The following ZNF618 variants were observed in gnomAD, a reference collection of about 807,000 sequenced individuals.
The protein encoded by ZNF618 is neural precursor cell expressed, developmentally down-regulated 10.
ZNF618 carries 34 observed loss-of-function variants against 103.0 expected under a neutral mutation model. The ratio of observed to expected loss-of-function variants is 0.33; its 90% CI spans 0.25 to 0.44. The LOEUF is 0.44. Among genes scored for constraint, ZNF618 ranks in the 20% least tolerant of loss-of-function variants. The pLI, the probability that ZNF618 is intolerant of heterozygous loss-of-function variation, is 1.00. For missense variants in ZNF618, 1,059 were observed against 1,295.4 expected, an observed-to-expected ratio of 0.82 and a Z score of 2.80; for synonymous variants, 551 against 542.2, an observed-to-expected ratio of 1.02 and a Z score of -0.23.
At chr9:113,959,244 GC>G (rs1278084677) in intron 1 of ZNF618, among the ~76,000 whole-genome samples, 1 of 151,768 alleles carries the variant, frequency 6.6e-6, no homozygotes, top group African/African-American at 2.4e-5. Context: ...CCGAGATTGC[GC>G]CATTGCACTC....
At chr9:113,885,822 A>C (rs1473580428) in intron 1 of ZNF618, among the ~76,000 whole-genome samples, 1 of 152,206 alleles carries the variant, frequency 6.6e-6, no homozygotes, top group Non-Finnish European at 1.5e-5. Context: ...TAAAAAGGAA[A>C]GGAGGAAGGC....
chr9:113,917,750 C>T (rs557080563), intron 1 of ZNF618, among the ~76,000 whole-genome samples: 1 of 152,282 alleles, frequency 6.6e-6, no homozygotes, highest in East Asian at 1.9e-4. Flanking sequence ...GGGCTTAACA[C>T]ATTTTTTAAA....
At chr9:113,931,428 C>T (rs1252590944) in intron 1 of ZNF618, among the ~76,000 whole-genome samples, 1 of 152,072 alleles carries the variant, frequency 6.6e-6, no homozygotes, top group African/African-American at 2.4e-5. Flanking sequence ...GTGGAGGGCA[C>T]AGAGATTTGA....
At chr9:114,041,246 A>G (rs1292451677) in intron 13 of ZNF618, among the ~76,000 whole-genome samples, 1 of 152,180 alleles carries the variant, frequency 6.6e-6, no homozygotes, top group Non-Finnish European at 1.5e-5. Flanking sequence ...TCAGATGAGT[A>G]GATTGCAAAA....
rs1846140832 is a variant in ZNF618 at position 114,051,633 on chromosome 9, A to T, written c.*1466A>T. On this transcript the variant is annotated 3_prime_UTR_variant, in exon 15 of 15. Transcript: ENST00000374126. The stretch of plus-strand genomic sequence containing the variant: ...CCCACAGCCCTCGGGGTCCTCACTC[A>T]CACCTCCGACTTCCAGGACGGCAGT... 1 of 151,886 alleles carries T rather than the reference A, an allele frequency of 6.6e-6. No homozygotes were observed. Among genetic ancestry groups the T allele is most frequent in the Non-Finnish European group, 1.5e-5 (1 of 68,014 alleles). The allele number at this position is 151,886 out of a possible 1,614,324, so 9.4% of individuals were successfully genotyped here.
At chr9:113,951,474 T>TAC (rs1835671179) in intron 1 of ZNF618, among the ~76,000 whole-genome samples, 1 of 42,842 alleles carries the variant, frequency 2.3e-5, no homozygotes, top group Non-Finnish European at 6.5e-5. Context: ...TATGTGTGTA[T>TAC]GTGTACACAT....
chr9:114,017,602 T>G (rs1351304000), intron 10 of ZNF618, among the ~76,000 whole-genome samples: 1 of 152,160 alleles, frequency 6.6e-6, no homozygotes. Context: ...GCTTGTGCAG[T>G]CTCAGGGCAG....
intron 1 of ZNF618, among the ~76,000 whole-genome samples, chr9:113,931,404 C>G (rs1185721396): frequency 3.3e-5 from 5 of 152,136 alleles, no homozygotes; most frequent in Admixed American, 6.5e-5. Flanking sequence ...GTGCCCCAGG[C>G]TCAAAGTCAG....
intron 1 of ZNF618, among the ~76,000 whole-genome samples, chr9:113,889,311 G>T (rs991640792): frequency 8.3e-6 from 1 of 120,646 alleles, no homozygotes; most frequent in Non-Finnish European, 1.8e-5. Flanking sequence ...CTGTCTCCCC[G>T]CTACCATCTC....
In ZNF618 at chr9:114,008,223, C is replaced by T; in HGVS notation, c.641-121C>T. On this transcript the variant is annotated intron_variant, in intron 7 of 14. Coordinates refer to ENST00000374126, the MANE Select transcript of ZNF618 (RefSeq NM_001318042.2). ...GTGGCCACGGCAGCCCTCCTGGGCCCCAAGGCAAACCCATGGGGATAGGGG... is the reference window on the plus strand; with the variant it reads ...GTGGCCACGGCAGCCCTCCTGGGCCTCAAGGCAAACCCATGGGGATAGGGG... 2.1e-6 allele frequency: 3 copies of T among 1,423,270 alleles called. No individual in the cohort carries two copies. The South Asian group carries it at 4.1e-5, about 20-fold the overall frequency. 88.2% of individuals were successfully genotyped at this position (1,423,270 alleles called of 1,614,324 possible). A position where few individuals can be genotyped will look rare whatever the true frequency, so the allele number is the denominator to read the frequency against.
intron 6 of ZNF618, among the ~76,000 whole-genome samples, chr9:114,003,967 G>A (rs1289286536): frequency 6.6e-6 from 1 of 152,174 alleles, no homozygotes; most frequent in Non-Finnish European, 1.5e-5. Flanking sequence ...AAAACAGATG[G>A]TGGGCAGGAT....
At chr9:113,963,760 C>G (rs1837086110) in intron 1 of ZNF618, among the ~76,000 whole-genome samples, 1 of 152,212 alleles carries the variant, frequency 6.6e-6, no homozygotes, top group African/African-American at 2.4e-5. Context: ...TTAACAGATT[C>G]AACTATATTT....
intron 1 of ZNF618, among the ~76,000 whole-genome samples, chr9:113,926,672 G>A (rs948580145): frequency 1.3e-5 from 2 of 152,020 alleles, no homozygotes; most frequent in Non-Finnish European, 1.5e-5. Flanking sequence ...GTTCTTGCAT[G>A]TTGTCCACCT....
At chr9:113,884,091 G>C (rs1007671785) in intron 1 of ZNF618, among the ~76,000 whole-genome samples, 1 of 148,082 alleles carries the variant, frequency 6.8e-6, no homozygotes, top group Non-Finnish European at 1.5e-5. Context: ...TCTGTGTGTA[G>C]GTTTTGTAAT....
chr9:113,902,017 ACT>A lies in ZNF618; in HGVS notation c.33+25609_33+25610del. Among the ~76,000 whole-genome samples the A allele has an allele frequency of 2.0e-5, 3 of 151,720 alleles. 1 individual carries two copies. The highest frequency in any genetic ancestry group is 7.3e-5 in the African/African-American group (3 of 41,300). On this transcript the variant is annotated intron_variant, in intron 1 of 14. Transcript: ENST00000374126. ...AGGGGTCCAATGCAGTGCAATACAGACTCTCTTTCTGACTTTCTGTGATTCTG... is the reference window on the plus strand; with the variant it reads ...AGGGGTCCAATGCAGTGCAATACAGACTCTTTCTGACTTTCTGTGATTCTG...
intron 1 of ZNF618, among the ~76,000 whole-genome samples, chr9:113,900,693 C>G (rs576577405): frequency 6.8e-6 from 1 of 147,268 alleles, no homozygotes; most frequent in Non-Finnish European, 1.5e-5. Context: ...GACCTGCTGT[C>G]TCCTAGCACC....
At chr9:113,882,420 C>A (rs1815663423) in intron 1 of ZNF618, among the ~76,000 whole-genome samples, 1 of 152,170 alleles carries the variant, frequency 6.6e-6, no homozygotes, top group African/African-American at 2.4e-5. Context: ...AGACTCTCAG[C>A]CGGTCTGAGG....
chr9:113,908,665 C>T (rs930140397), intron 1 of ZNF618, among the ~76,000 whole-genome samples: 1 of 152,002 alleles, frequency 6.6e-6, no homozygotes, highest in African/African-American at 2.4e-5. Flanking sequence ...CTGGTTGGCC[C>T]CTCAGGCAGC....
In ZNF618 at chr9:114,036,382, G is replaced by C; in HGVS notation, c.1246+5G>C. The C allele has an allele frequency of 6.4e-7, 1 of 1,571,006 alleles. No individual in the cohort carries two copies. The highest frequency in any genetic ancestry group is 8.6e-7 in the Non-Finnish European group (1 of 1,157,380). On this transcript the variant is annotated splice_donor_5th_base_variant and intron_variant, in intron 13 of 14. Transcript: ENST00000374126. ...AGCACATGCAGTCCCATGCAGGTAA[G>C]TAGGATACGGCTTCTCTCCCCCTCT...
Sources: gnomAD v4.1 joint callset for allele counts (sites outside exome capture counted in the v4.1 genomes callset) on GRCh38, gnomAD v4.1.1 for gene constraint, MANE v1.5 for transcripts, NCBI Gene and HGNC (gene_info 2026-07-23, HGNC 2026-07-21) for gene names.